The following DPP4 variants were observed in gnomAD, a reference collection of about 807,000 sequenced individuals.
DPP4 encodes dipeptidyl peptidase 4, also known as ADCP-2.
In DPP4, 93 loss-of-function variants were observed where a neutral mutation model predicts 122.4. The observed-to-expected ratio is 0.76, with a 90% confidence interval of 0.64 to 0.90. The LOEUF (loss-of-function observed/expected upper bound fraction) is 0.90, where lower values mean the gene tolerates loss of function less well. Ranked by LOEUF, DPP4 falls within the 40% of genes least tolerant of loss-of-function variation. The pLI, the probability that DPP4 is intolerant of heterozygous loss-of-function variation, is 0.00. For missense variants in DPP4, 914 were observed against 907.3 expected (o/e 1.01, Z -0.09); for synonymous variants, 321 against 302.9 (o/e 1.06, Z -0.62).
intron 2 of DPP4, among the ~76,000 whole-genome samples, chr2:162,067,636 A>G (rs1684990839): frequency 6.6e-6 from 1 of 152,054 alleles, no homozygotes; most frequent in Admixed American, 6.6e-5. Context: ...ATAATTTTGA[A>G]GAACAATATA....
chr2:162,012,106 G>C (rs1374134330), intron 19 of DPP4, 119 bp from the exon 20 acceptor site: 2 of 950,266 alleles, frequency 2.1e-6, no homozygotes, highest in African/African-American at 3.3e-5. Context: ...CTTAAACTGT[G>C]CCAGCCTATG....
At chr2:162,063,501 A>G (rs1166260987) in intron 2 of DPP4, among the ~76,000 whole-genome samples, 2 of 152,062 alleles carry the variant, frequency 1.3e-5, no homozygotes, top group Non-Finnish European at 1.5e-5. Context: ...AAGAATACCT[A>G]AGGAGGCTGG....
chr2:162,071,089 C>A (rs1186758745), intron 2 of DPP4, among the ~76,000 whole-genome samples: 1 of 152,174 alleles, frequency 6.6e-6, no homozygotes, highest in Non-Finnish European at 1.5e-5. Flanking sequence ...TGCTCCATTG[C>A]AACTCACCTT....
intron 2 of DPP4, among the ~76,000 whole-genome samples, chr2:162,071,734 T>C (rs542922500): frequency 3.6e-4 from 55 of 152,298 alleles, no homozygotes; most frequent in African/African-American, 1.1e-3. Context: ...CAAATTTCAT[T>C]TGGAGAAGAT....
At position 161,999,029 on chromosome 2, in the gene DPP4, G is replaced by A. The variant is rs117661342; in HGVS notation, c.2053-3657C>T. On this transcript the variant is annotated intron_variant, in intron 23 of 25. Coordinates refer to ENST00000360534, the MANE Select transcript of DPP4 (RefSeq NM_001935.4). ...GCTCACTGGGAGAAGCCTCCAGAGG[G>A]ACCTCTCTGTGAGAGGGAGAGAGGC... 2.6e-4 allele frequency among the ~76,000 whole-genome samples: 40 copies of A among 152,272 alleles called. No homozygotes were observed. In the East Asian group the frequency reaches 7.2e-3, roughly 27 times the overall value.
chr2:162,073,993 C>T lies in DPP4; in HGVS notation c.-12G>A. ...GCACTCACCTTCATCGTCGGCGTCT[C>T]CTCGGAAGTGAGCGTTCAGAGAAGG... On this transcript the variant is annotated 5_prime_UTR_variant, in exon 1 of 26. Transcript: ENST00000360534. 6.2e-7 allele frequency: 1 copy of T among 1,611,754 alleles called. No individual in the cohort carries two copies. The highest frequency in any genetic ancestry group is 1.7e-5 in the Admixed American group (1 of 59,774).
At position 162,043,670 on chromosome 2, in the gene DPP4, G is replaced by C. The variant is rs918530702; in HGVS notation, c.366+1862C>G. On this transcript the variant is annotated intron_variant, in intron 5 of 25. Transcript: ENST00000360534. ...CCTTCATATGTTAGTCTTTAACATGGACAACTGTTATTCAGGGGTTCTCAG... is the reference window on the plus strand; with the variant it reads ...CCTTCATATGTTAGTCTTTAACATGCACAACTGTTATTCAGGGGTTCTCAG... Among the ~76,000 whole-genome samples the C allele has an allele frequency of 9.2e-5, 14 of 152,122 alleles. 1 individual carries two copies. The highest frequency in any genetic ancestry group is 1.5e-5 in the Non-Finnish European group (1 of 68,018).
intron 25 of DPP4, among the ~76,000 whole-genome samples, chr2:161,993,672 C>T (rs369133780): frequency 3.9e-5 from 6 of 152,106 alleles, no homozygotes; most frequent in East Asian, 1.9e-4. Flanking sequence ...TTTAAAGATA[C>T]GTACATTTTA....
At chr2:162,035,477 C>A (rs967725939) in intron 8 of DPP4, among the ~76,000 whole-genome samples, 153 bp from the exon 9 acceptor site, 1 of 152,056 alleles carries the variant, frequency 6.6e-6, no homozygotes, top group African/African-American at 2.4e-5. Context: ...CAGAGTAATA[C>A]AAATGAATAA....
intron 10 of DPP4, among the ~76,000 whole-genome samples, chr2:162,029,187 T>G (rs987651692): frequency 6.6e-6 from 1 of 152,256 alleles, no homozygotes; most frequent in African/African-American, 2.4e-5. Flanking sequence ...TTGCAAACAG[T>G]AAGCATTTAA....
intron 2 of DPP4, among the ~76,000 whole-genome samples, chr2:162,061,789 A>G (rs1414123972): frequency 6.6e-6 from 1 of 152,222 alleles, no homozygotes; most frequent in Non-Finnish European, 1.5e-5. Flanking sequence ...TAGAGACATC[A>G]CAGTGAATAA....
chr2:162,019,414 G>A (rs949742670), intron 14 of DPP4, 138 bp from the exon 15 acceptor site: 6 of 558,742 alleles, frequency 1.1e-5, no homozygotes, highest in African/African-American at 1.9e-5. Flanking sequence ...CATCGCTTCC[G>A]TGTCCCTCAC....
chr2:162,070,175 T>A (rs1685068196), intron 2 of DPP4, among the ~76,000 whole-genome samples: 2 of 152,232 alleles, frequency 1.3e-5, no homozygotes. Flanking sequence ...GTAGGATGAT[T>A]GAAAAAAAAT....
chr2:162,024,487 G>A (rs1683247018), intron 11 of DPP4, among the ~76,000 whole-genome samples: 1 of 152,160 alleles, frequency 6.6e-6, no homozygotes, highest in Non-Finnish European at 1.5e-5. Context: ...GAGCTTGCAG[G>A]TGCTGGCCCT....
rs189972254 is a variant in DPP4, at chr2:162,006,262, G to A, written c.1988-453C>T. Among the ~76,000 whole-genome samples the A allele has an allele frequency of 3.0e-3, 462 of 152,218 alleles. 1 individual carries two copies. The highest frequency in any genetic ancestry group is 0.011 in the African/African-American group (442 of 41,544). On this transcript the variant is annotated intron_variant, in intron 22 of 25. Transcript: ENST00000360534. ...GGAAGTCACTTAATGCCTCAATTGTGTTGAAATTTTTTGGTTATAATACAA... is the reference window on the plus strand; with the variant it reads ...GGAAGTCACTTAATGCCTCAATTGTATTGAAATTTTTTGGTTATAATACAA...
chr2:162,010,639 T>C (rs1682666502), intron 20 of DPP4, among the ~76,000 whole-genome samples: 1 of 152,200 alleles, frequency 6.6e-6, no homozygotes, highest in Non-Finnish European at 1.5e-5. Context: ...CCCTCTCTCA[T>C]AGAGGAGCGA....
At chr2:161,998,145 G>C (rs187195255) in intron 23 of DPP4, among the ~76,000 whole-genome samples, 29 of 152,284 alleles carry the variant, frequency 1.9e-4, no homozygotes, top group Admixed American at 1.2e-3. Context: ...CGCAAGTGAC[G>C]TATAGCCTAA....
intron 2 of DPP4, among the ~76,000 whole-genome samples, chr2:162,070,536 C>T (rs1040497977): frequency 3.3e-5 from 5 of 151,324 alleles, no homozygotes; most frequent in Non-Finnish European, 7.4e-5. Flanking sequence ...AATTCCTTTC[C>T]TTCCTTCCTT....
chr2:162,037,925 G>A (rs1683836240), intron 8 of DPP4, among the ~76,000 whole-genome samples: 2 of 152,086 alleles, frequency 1.3e-5, no homozygotes. Context: ...TCTTCTCAAT[G>A]TGATGGGATT....
Sources: allele counts gnomAD v4.1 joint callset (sites outside exome capture counted in the v4.1 genomes callset), GRCh38; gene constraint gnomAD v4.1.1; transcripts MANE v1.5; gene names NCBI Gene and HGNC (gene_info 2026-07-23, HGNC 2026-07-21).